N4BP2: variants seen among roughly 807,000 people sequenced by gnomAD.
N4BP2 encodes NEDD4 binding protein 2, also known as NEDD4-binding protein 2.
A neutral mutation model predicts 152.8 loss-of-function variants in N4BP2; 91 were observed. That is an observed-to-expected ratio of 0.60 (90% CI 0.50 to 0.71). The LOEUF (loss-of-function observed/expected upper bound fraction) is 0.71, where lower values mean the gene tolerates loss of function less well. Among genes scored for constraint, N4BP2 ranks in the 30% least tolerant of loss-of-function variants. The pLI is 0.00. For synonymous variants in N4BP2, 646 were observed against 705.3 expected (o/e 0.92, Z 1.33); for missense variants, 1,923 against 2,059.1 (o/e 0.93, Z 1.28).
chr4:40,121,880 A>G lies in N4BP2; in HGVS notation c.3769A>G (p.Thr1257Ala), dbSNP rs1717957371. 3 of 1,612,216 alleles carry G rather than the reference A, an allele frequency of 1.9e-6. No homozygotes were observed. The highest frequency in any genetic ancestry group is 2.5e-6 in the Non-Finnish European group (3 of 1,179,502). Residue 1257 changes from threonine (T) to alanine (A), a missense_variant, in exon 9 of 18, where the codon ACT (threonine) becomes GCT (alanine). Transcript: ENST00000261435. ...GTCCTTTCCAGGTATTCTAAAAGCTACTACTCCTAAAGATATGAGTGAAAC... is the reference window on the plus strand; with the variant it reads ...GTCCTTTCCAGGTATTCTAAAAGCTGCTACTCCTAAAGATATGAGTGAAAC... ...KQSFPGILKA[T>A]TPKDMSETEK...
downstream of N4BP2, among the ~76,000 whole-genome samples, chr4:40,161,712 C>G (rs1721865539): frequency 6.6e-6 from 1 of 152,004 alleles, no homozygotes; most frequent in East Asian, 1.9e-4. Flanking sequence ...ACAAGATTGC[C>G]CATAAGTTGG....
chr4:40,178,410 C>T, the N4BP2 span, among the ~76,000 whole-genome samples: 3 of 127,676 alleles, frequency 2.3e-5, no homozygotes, highest in South Asian at 3.0e-4. Flanking sequence ...ACTACTCCCC[C>T]GCCCCGCCAC....
At position 40,097,263 on chromosome 4, in the gene N4BP2, C is replaced by T; in HGVS notation, c.-78C>T. ...GCTGGATTGTGCAAGATATTTAACC[C>T]TATTTTGTTTGAATTATGACTTAAA... On this transcript the variant is annotated 5_prime_UTR_variant, in exon 3 of 18. Transcript: ENST00000261435. 1.7e-6 allele frequency: 2 copies of T among 1,198,482 alleles called. No individual in the cohort carries two copies. The highest frequency in any genetic ancestry group is 2.6e-5 in the South Asian group (2 of 75,956). The allele number at this position is 1,198,482 out of a possible 1,614,324, so 74.2% of individuals were successfully genotyped here.
At chr4:40,098,097 C>T (rs115557822) in intron 3 of N4BP2, among the ~76,000 whole-genome samples, 2,963 of 152,330 alleles carry the variant, frequency 0.019, 37 homozygotes, top group Non-Finnish European at 0.029. Context: ...CTTTGTTTTA[C>T]TCCTGTATCT....
intron 14 of N4BP2, among the ~76,000 whole-genome samples, chr4:40,138,458 A>G (rs756535897): frequency 6.6e-6 from 1 of 152,136 alleles, no homozygotes; most frequent in Admixed American, 6.5e-5. Flanking sequence ...TACTTTTGCT[A>G]TGTTGCCTGT....
intron 2 of N4BP2, among the ~76,000 whole-genome samples, chr4:40,075,307 C>T (rs560815458): frequency 1.3e-5 from 2 of 152,208 alleles, no homozygotes; most frequent in East Asian, 1.9e-4. Flanking sequence ...CAGAAATACA[C>T]TTGGAATTAA....
intron 14 of N4BP2, among the ~76,000 whole-genome samples, chr4:40,139,281 G>A (rs533646661): frequency 1.3e-5 from 2 of 152,122 alleles, no homozygotes; most frequent in South Asian, 4.1e-4. Context: ...AAATTAAAAA[G>A]AGAAAAGGGT....
At position 40,139,850 on chromosome 4, in the gene N4BP2, G is replaced by T. The variant is rs190476262; in HGVS notation, c.4785+2768G>T. On this transcript the variant is annotated intron_variant, in intron 14 of 17. Transcript: ENST00000261435. ...TTTCTTTTTTTTTTTTTTGAGACAG[G>T]GTCTCACTGTGTTGCTCAGGCTGGA... Among the ~76,000 whole-genome samples the T allele has an allele frequency of 5.8e-3, 775 of 134,272 alleles. 7 individuals are homozygous for T. The highest frequency in any genetic ancestry group is 0.021 in the African/African-American group (737 of 35,588). The allele number at this position is 134,272 out of a possible 152,430, so 88.1% of individuals were successfully genotyped here. A position where few individuals can be genotyped will look rare whatever the true frequency, so the allele number is the denominator to read the frequency against.
chr4:40,092,045 T>TATATATAG (rs1201054983), intron 2 of N4BP2, among the ~76,000 whole-genome samples: 3 of 102,668 alleles, frequency 2.9e-5, no homozygotes, highest in African/African-American at 1.1e-4. Flanking sequence ...TATATATATA[T>TATATATAG]AGCTGAATTT....
chr4:40,138,520 G>A (rs776088466), intron 14 of N4BP2, among the ~76,000 whole-genome samples: 7 of 152,160 alleles, frequency 4.6e-5, no homozygotes, highest in Non-Finnish European at 1.0e-4. Context: ...TTTTCTGTAG[G>A]AGTCTTATAG....
chr4:40,084,943 C>T (rs775801331), intron 2 of N4BP2, among the ~76,000 whole-genome samples: 1 of 127,458 alleles, frequency 7.8e-6, no homozygotes, highest in Non-Finnish European at 1.6e-5. Context: ...GATGGAGTCT[C>T]GCTGTGTCGC....
chr4:40,126,860 C>T (rs1032757098), intron 12 of N4BP2, among the ~76,000 whole-genome samples: 3 of 151,896 alleles, frequency 2.0e-5, no homozygotes, highest in East Asian at 1.9e-4. Context: ...CGGGTTCAAA[C>T]GATTCTCCTG....
At chr4:40,123,505 GA>G (rs1299138357) in intron 10 of N4BP2, among the ~76,000 whole-genome samples, 1 of 151,738 alleles carries the variant, frequency 6.6e-6, no homozygotes, top group African/African-American at 2.4e-5. Context: ...TTCTATTTTA[GA>G]GACAGTGTCT....
chr4:40,064,311 G>A (rs1032082691), intron 1 of N4BP2, among the ~76,000 whole-genome samples: 2 of 152,134 alleles, frequency 1.3e-5, no homozygotes, highest in Admixed American at 1.3e-4. Context: ...GTCTCGCTCT[G>A]TTGTCCAGGC....
intron 13 of N4BP2, 65 bp from the exon 14 acceptor site, chr4:40,136,879 T>G: frequency 8.2e-7 from 1 of 1,218,762 alleles, no homozygotes; most frequent in Non-Finnish European, 1.2e-6. Flanking sequence ...AGATTGCTTG[T>G]GTTAATGTCC....
chr4:40,075,222 C>T (rs1021119005), intron 2 of N4BP2, among the ~76,000 whole-genome samples: 4 of 152,026 alleles, frequency 2.6e-5, no homozygotes, highest in Admixed American at 1.3e-4. Flanking sequence ...TCAGTAATAC[C>T]GACTGACTCT....
chr4:40,096,590 G>T (rs1019530191), intron 2 of N4BP2, among the ~76,000 whole-genome samples: 1 of 152,174 alleles, frequency 6.6e-6, no homozygotes, highest in Non-Finnish European at 1.5e-5. Flanking sequence ...ATTGAGTCAC[G>T]CTGGCTTTGG....
At chr4:40,162,942 G>A (rs1313185006), downstream of N4BP2, among the ~76,000 whole-genome samples, 1 of 152,134 alleles carries the variant, frequency 6.6e-6, no homozygotes, top group Non-Finnish European at 1.5e-5. Context: ...AAGGGGAGAG[G>A]ACCCCATGTG....
chr4:40,057,523 A>G (rs1169996909), intron 1 of N4BP2, among the ~76,000 whole-genome samples: 1 of 152,198 alleles, frequency 6.6e-6, no homozygotes, highest in Non-Finnish European at 1.5e-5. Context: ...AAGTCCAGAC[A>G]CACAGCCACT....
Sources: allele counts gnomAD v4.1 joint callset (sites outside exome capture counted in the v4.1 genomes callset), GRCh38; gene constraint gnomAD v4.1.1; transcripts MANE v1.5; gene names NCBI Gene and HGNC (gene_info 2026-07-23, HGNC 2026-07-21).